Variants in KCNMA1 observed in about 807,000 individuals in gnomAD.
KCNMA1 encodes Calcium-activated potassium channel subunit alpha-1.
In KCNMA1, 29 loss-of-function variants were observed where a neutral mutation model predicts 140.0. That is an observed-to-expected ratio of 0.21 (90% CI 0.15 to 0.28). KCNMA1 has a LOEUF of 0.28. Among genes scored for constraint, KCNMA1 ranks in the 10% least tolerant of loss-of-function variants. The pLI, the probability that KCNMA1 is intolerant of heterozygous loss-of-function variation, is 1.00. For missense variants in KCNMA1, 880 were observed against 1,602.2 expected (o/e 0.55, Z 7.70); for synonymous variants, 612 against 611.9 (o/e 1.00, Z 0.00).
chr10:77,270,422 G>A lies in KCNMA1; in HGVS notation c.541-19166C>T, dbSNP rs1366881874. Among the ~76,000 whole-genome samples, 12 of 152,152 alleles carry A rather than the reference G, an allele frequency of 7.9e-5. No homozygotes were observed. In the East Asian group the frequency reaches 2.3e-3, roughly 29 times the overall value. ...GGGAGAACTGGTGCTTAGGATGATG[G>A]CTCAATGTCCACCCAAAACACAGCC... On this transcript the variant is annotated intron_variant, in intron 2 of 27. Coordinates refer to ENST00000286628, the MANE Select transcript of KCNMA1 (RefSeq NM_001161352.2).
chr10:77,022,940 G>C (rs1265389681), intron 16 of KCNMA1: 1 of 455,504 alleles, frequency 2.2e-6, no homozygotes, highest in Non-Finnish European at 4.4e-6. Context: ...CCTGCCACTT[G>C]CAAAGTTGGG....
chr10:77,321,530 C>T (rs1000837613), intron 2 of KCNMA1, among the ~76,000 whole-genome samples: 5 of 152,286 alleles, frequency 3.3e-5, no homozygotes, highest in East Asian at 1.9e-4. Flanking sequence ...CTTGCTTTGT[C>T]CCAAGTCATC....
intron 1 of KCNMA1, among the ~76,000 whole-genome samples, chr10:77,574,566 T>C (rs903294581): frequency 6.6e-6 from 1 of 152,204 alleles, no homozygotes; most frequent in African/African-American, 2.4e-5. Flanking sequence ...GGATGTACTT[T>C]AGCCACTGGG....
intron 19 of KCNMA1, among the ~76,000 whole-genome samples, chr10:76,976,186 T>A (rs145417050): frequency 9.2e-4 from 140 of 152,258 alleles, no homozygotes; most frequent in Middle Eastern, 3.4e-3. Context: ...AGGACAGGCA[T>A]AGGGAGTGCC....
intron 9 of KCNMA1, chr10:77,091,801 T>C (rs1049814135): frequency 2.0e-5 from 3 of 152,272 alleles, no homozygotes; most frequent in Admixed American, 2.0e-4. Flanking sequence ...GCAGTGATGA[T>C]GGCTTATGCA....
chr10:77,480,273 C>G (rs2098364259), intron 1 of KCNMA1, among the ~76,000 whole-genome samples: 1 of 152,208 alleles, frequency 6.6e-6, no homozygotes, highest in Non-Finnish European at 1.5e-5. Flanking sequence ...ATAGGGCTGG[C>G]CCTGCCCGCC....
rs2153159275 is a variant in KCNMA1, at chr10:76,970,062, C to T, written c.2272G>A (p.Asp758Asn). ...DCSTSFRAFE[D>N]EQPSTLSPKK... ...GGTGATAGTGTTGACGGCTGCTCATCTTCAACTGGAAATACAGGCAGCTCA... is the reference window on the plus strand; with the variant it reads ...GGTGATAGTGTTGACGGCTGCTCATTTTCAACTGGAAATACAGGCAGCTCA... The change falls in exon 20 of 28, where the codon GAT becomes AAT. Residue 758 changes from aspartate (D) to asparagine (N), a missense_variant. Around this residue, in one of 13 missense-constraint regions of KCNMA1, gnomAD observed 196 missense variants for 233.0 expected, o/e 0.84. Coordinates refer to ENST00000286628, the MANE Select transcript of KCNMA1 (RefSeq NM_001161352.2). The T allele has an allele frequency of 6.2e-7, 1 of 1,613,674 alleles. No homozygotes were observed.
At chr10:77,549,049 C>T (rs1487344370) in intron 1 of KCNMA1, among the ~76,000 whole-genome samples, 1 of 152,230 alleles carries the variant, frequency 6.6e-6, no homozygotes, top group Non-Finnish European at 1.5e-5. Context: ...GACTCACACA[C>T]TGAGCAGACC....
chr10:77,555,393 A>AG (rs1479927004), intron 1 of KCNMA1, among the ~76,000 whole-genome samples: 2 of 152,244 alleles, frequency 1.3e-5, no homozygotes, highest in East Asian at 3.8e-4. Context: ...AAGAAAAAAA[A>AG]CAGAAAGGTA....
chr10:77,272,493 C>T (rs1263714366), intron 2 of KCNMA1, among the ~76,000 whole-genome samples: 3 of 152,158 alleles, frequency 2.0e-5, no homozygotes, highest in Admixed American at 2.0e-4. Context: ...CTTGAATGTA[C>T]ATCCCTCCTG....
chr10:77,212,106 A>C (rs2046273672), intron 3 of KCNMA1, among the ~76,000 whole-genome samples: 3 of 152,236 alleles, frequency 2.0e-5, no homozygotes, highest in African/African-American at 7.2e-5. Context: ...GTATATACCC[A>C]AAGGAAACTA....
chr10:77,522,036 G>A (rs1469587071), intron 1 of KCNMA1, among the ~76,000 whole-genome samples: 2 of 152,036 alleles, frequency 1.3e-5, no homozygotes, highest in Non-Finnish European at 2.9e-5. Flanking sequence ...TTAGCCAGGC[G>A]TGGTGGCAGG....
chr10:77,098,302 C>T (rs2096990264), intron 9 of KCNMA1, among the ~76,000 whole-genome samples: 1 of 152,094 alleles, frequency 6.6e-6, no homozygotes, highest in Admixed American at 6.5e-5. Context: ...AATTGCTCCT[C>T]CCCAAATTAA....
At chr10:77,375,424 G>T (rs1482247695) in intron 2 of KCNMA1, among the ~76,000 whole-genome samples, 3 of 152,192 alleles carry the variant, frequency 2.0e-5, no homozygotes, top group Non-Finnish European at 4.4e-5. Context: ...CAGAGGTGCA[G>T]GTATATATCT....
At position 77,387,527 on chromosome 10, in the gene KCNMA1, G is replaced by GTTCTTTTCTTTTCTT. The variant is rs57906683; in HGVS notation, c.540+16320_540+16334dup. 2.2e-3 allele frequency among the ~76,000 whole-genome samples: 300 copies of GTTCTTTTCTTTTCTT among 139,398 alleles called. 3 individuals are homozygous for GTTCTTTTCTTTTCTT. Among genetic ancestry groups the GTTCTTTTCTTTTCTT allele is most frequent in the African/African-American group, 7.6e-3 (266 of 34,864 alleles). The allele number at this position is 139,398 out of a possible 152,430, so 91.5% of individuals were successfully genotyped here. A position where few individuals can be genotyped will look rare whatever the true frequency, so the allele number is the denominator to read the frequency against. Reference sequence around the variant, plus strand: ...GGCATCATTAGTCAGTCATGGAATTGTTCTTTTCTTTTCTTTTCTTTTCTT... The same window carrying GTTCTTTTCTTTTCTT: ...GGCATCATTAGTCAGTCATGGAATTGTTCTTTTCTTTTCTTTTCTTTTCTTTTCTTTTCTTTTCTT... On this transcript the variant is annotated intron_variant, in intron 2 of 27. Transcript: ENST00000286628.
chr10:77,311,458 G>A (rs1216633662), intron 2 of KCNMA1, among the ~76,000 whole-genome samples: 2 of 152,128 alleles, frequency 1.3e-5, no homozygotes, highest in Non-Finnish European at 2.9e-5. Flanking sequence ...GGCAACTAGG[G>A]GGAGGAGGAA....
At position 76,885,881 on chromosome 10, in the gene KCNMA1, T is replaced by C; in HGVS notation, c.*1385A>G. ...GAAGAAAAAAATAACTATACCAAAA[T>C]GTGTTTGGCTCACTGTTGCACTCTT... On this transcript the variant is annotated 3_prime_UTR_variant, in exon 28 of 28. Coordinates refer to ENST00000286628, the MANE Select transcript of KCNMA1 (RefSeq NM_001161352.2). 1 of 985,256 alleles carries C rather than the reference T, an allele frequency of 1.0e-6. No individual in the cohort carries two copies. The highest frequency in any genetic ancestry group is 1.2e-6 in the Non-Finnish European group (1 of 829,768). The allele number at this position is 985,256 out of a possible 1,614,324, so 61.0% of individuals were successfully genotyped here.
intron 23 of KCNMA1, among the ~76,000 whole-genome samples, chr10:76,926,488 C>T (rs1283719290): frequency 6.6e-6 from 1 of 152,142 alleles, no homozygotes; most frequent in Non-Finnish European, 1.5e-5. Flanking sequence ...TTATCAACAA[C>T]AGGGTTGTAA....
chr10:77,499,987 G>A (rs917051171), intron 1 of KCNMA1, among the ~76,000 whole-genome samples: 5 of 151,976 alleles, frequency 3.3e-5, no homozygotes, highest in South Asian at 2.1e-4. Flanking sequence ...TTTATCTTAC[G>A]TGGCAAGGAG....
Sources: gnomAD v4.1 joint callset for allele counts (sites outside exome capture counted in the v4.1 genomes callset) on GRCh38, gnomAD v4.1.1 for gene constraint, gnomAD v4.1.1 regional missense constraint, MANE v1.5 for transcripts, NCBI Gene and HGNC (gene_info 2026-07-23, HGNC 2026-07-21) for gene names.